WDR59: variants seen among roughly 807,000 people sequenced by gnomAD.
The protein encoded by WDR59 is WD repeat domain 59.
A neutral mutation model predicts 131.2 loss-of-function variants in WDR59; 100 were observed. That is an observed-to-expected ratio of 0.76 (90% confidence interval 0.65 to 0.90). WDR59 has a LOEUF of 0.90. WDR59 is among the 40% of genes least tolerant of loss of function. The probability of loss-of-function intolerance (pLI) is 0.00; values close to 1 mark genes in which losing one functional copy is unlikely to be tolerated. For synonymous variants in WDR59, 601 were observed against 466.2 expected (o/e 1.29, Z -3.72); for missense variants, 1,203 against 1,262.2 (o/e 0.95, Z 0.71).
intron 25 of WDR59, among the ~76,000 whole-genome samples, chr16:74,883,847 C>G (rs1461019301): frequency 6.6e-6 from 1 of 152,212 alleles, no homozygotes; most frequent in Non-Finnish European, 1.5e-5. Context: ...TGGGGATCCC[C>G]AAATTCCCAG....
Position 74,904,002 on chromosome 16 carries a change from G to A in WDR59, c.1811C>T (p.Pro604Leu). Residue 604 changes from proline (P) to leucine (L), a missense_variant, in exon 18 of 26, where the codon CCC becomes CTC. Physicochemically the swap from Pro to Leu is moderately conservative, Grantham distance 98. Transcript: ENST00000262144. ...GACCTGCTCTTTCTCGCTGCGAGTG[G>A]GGCTCCCACTGTATAAACGAAGGTT... Reference protein sequence around the residue: ...PGNLRLYSGSPTRSEKEQVSI... With the variant: ...PGNLRLYSGSLTRSEKEQVSI... 1 of 1,611,666 alleles carries A rather than the reference G, an allele frequency of 6.2e-7. No homozygotes were observed. The highest frequency in any genetic ancestry group is 1.8e-4 in the Middle Eastern group (1 of 5,440).
At chr16:74,979,213 G>GCTCATGCCTGTTAATAT (rs76969367) in intron 1 of WDR59, 1 of 151,824 alleles carries the variant, frequency 6.6e-6, no homozygotes, top group Non-Finnish European at 1.5e-5. Flanking sequence ...AGGCGCGGTG[G>GCTCATGCCTGTTAATAT]CAGCATTTTG....
chr16:74,873,840 C>A lies in WDR59; in HGVS notation c.*369G>T. The A allele has an allele frequency of 4.9e-6, 1 of 204,888 alleles. No individual in the cohort carries two copies. The highest frequency in any genetic ancestry group is 5.4e-5 in the Admixed American group (1 of 18,656). 12.7% of individuals were successfully genotyped at this position (204,888 alleles called of 1,614,324 possible). A position where few individuals can be genotyped will look rare whatever the true frequency, so the allele number is the denominator to read the frequency against. On this transcript the variant is annotated 3_prime_UTR_variant, in exon 26 of 26. Transcript: ENST00000262144. ...CATCTGACTCTGGTCTCTGCACTGG[C>A]ATCAAGAGAACGCTGCTCGGTGGTT... is the stretch of plus-strand genomic sequence containing the variant.
Position 74,890,837 on chromosome 16 carries a change from C to T in WDR59, c.2083-1022G>A, listed in dbSNP as rs141350048. Among the ~76,000 whole-genome samples the T allele has an allele frequency of 5.9e-4, 90 of 152,186 alleles. 1 individual carries two copies. In the East Asian group the frequency reaches 0.015, roughly 25 times the overall value. On this transcript the variant is annotated intron_variant, in intron 20 of 25. Coordinates refer to ENST00000262144, the MANE Select transcript of WDR59 (RefSeq NM_030581.4). Reference sequence around the variant, plus strand: ...CAATACCTTTAAAAATCAAATACGGCGGGCCCTGTGGCTCACGCCTGTAAT... The same window carrying T: ...CAATACCTTTAAAAATCAAATACGGTGGGCCCTGTGGCTCACGCCTGTAAT...
At chr16:74,962,213 C>T (rs531198185) in intron 2 of WDR59, among the ~76,000 whole-genome samples, 26 of 152,204 alleles carry the variant, frequency 1.7e-4, no homozygotes, top group African/African-American at 6.0e-4. Context: ...AGTTTGAAGT[C>T]GGGTAGCGTA....
intron 8 of WDR59, among the ~76,000 whole-genome samples, chr16:74,932,871 C>T (rs953874440): frequency 5.3e-5 from 8 of 152,166 alleles, no homozygotes; most frequent in African/African-American, 1.7e-4. Context: ...ATGCTTACTT[C>T]TGCTGCCTTA....
intron 8 of WDR59, among the ~76,000 whole-genome samples, chr16:74,930,979 A>C (rs1455471085): frequency 6.6e-6 from 1 of 151,898 alleles, no homozygotes; most frequent in Non-Finnish European, 1.5e-5. Flanking sequence ...TCTCCAAAAA[A>C]AAAGGAAAAA....
intron 14 of WDR59, among the ~76,000 whole-genome samples, chr16:74,911,249 C>T (rs565857517): frequency 6.6e-6 from 1 of 152,078 alleles, no homozygotes; most frequent in South Asian, 2.1e-4. Context: ...TTTTGTATGT[C>T]CAAACTAGGC....
chr16:74,877,112 A>C (rs1964251350), intron 25 of WDR59, among the ~76,000 whole-genome samples: 1 of 152,082 alleles, frequency 6.6e-6, no homozygotes, highest in Non-Finnish European at 1.5e-5. Flanking sequence ...CATCAAGGGA[A>C]ATGTTCCAGT....
chr16:74,981,641 T>TATATATATATAC (rs2034421358), intron 1 of WDR59, among the ~76,000 whole-genome samples: 1 of 50,214 alleles, frequency 2.0e-5, no homozygotes, highest in African/African-American at 1.4e-4. Context: ...TATATATATA[T>TATATATATATAC]ATATATATAT....
At chr16:74,967,585 G>A (rs74250261) in intron 1 of WDR59, among the ~76,000 whole-genome samples, 4,198 of 152,240 alleles carry the variant, frequency 0.028, 245 homozygotes, top group East Asian at 0.25. Context: ...TCGGCTGGGC[G>A]CGGCGGCTCA....
chr16:74,948,480 C>T (rs2032787228), intron 6 of WDR59, 39 bp downstream of exon 6: 1 of 1,599,866 alleles, frequency 6.3e-7, no homozygotes, highest in Non-Finnish European at 8.6e-7. Flanking sequence ...TGAAGACAAA[C>T]CAAGGCGCCA....
At position 74,949,732 on chromosome 16, in the gene WDR59, G is replaced by A. The variant is rs140204698; in HGVS notation, c.393C>T (p.Tyr131=). 9.5e-5 allele frequency: 154 copies of A among 1,613,806 alleles called. No individual in the cohort carries two copies. In the African/African-American group the frequency reaches 1.6e-3, roughly 16 times the overall value. The change falls in exon 5 of 26, where the codon TAC becomes TAT. Residue 131 remains tyrosine (Y), a synonymous_variant. Transcript: ENST00000262144. The part of the protein sequence containing the change: ...LVTSSVDTYI[Y]IWDIKDTRKP... The stretch of plus-strand genomic sequence containing the variant: ...ATTGTTCTTACTTGATATCCCAAAT[G>A]TAGATGTAGGTGTCCACAGAGCTGG...
At chr16:74,890,065 T>G (rs972378825) in intron 20 of WDR59, among the ~76,000 whole-genome samples, 1 of 152,202 alleles carries the variant, frequency 6.6e-6, no homozygotes, top group African/African-American at 2.4e-5. Flanking sequence ...GCTTAAAAAT[T>G]TTTCATTAAG....
intron 18 of WDR59, among the ~76,000 whole-genome samples, chr16:74,899,211 CA>C (rs750428504): frequency 3.3e-5 from 5 of 152,034 alleles, no homozygotes; most frequent in African/African-American, 7.2e-5. Context: ...AGAAACTTCC[CA>C]AAGGATAAAA....
intron 25 of WDR59, among the ~76,000 whole-genome samples, chr16:74,876,237 A>C (rs2144746618): frequency 6.6e-6 from 1 of 152,328 alleles, no homozygotes; most frequent in East Asian, 1.9e-4. Flanking sequence ...AAATCTTGAG[A>C]CAAATCAGAC....
At chr16:74,917,858 C>T (rs1021303822) in intron 11 of WDR59, 71 bp downstream of exon 11, 3 of 1,331,228 alleles carry the variant, frequency 2.3e-6, no homozygotes, top group African/African-American at 1.5e-5. Context: ...CCTCTAATTT[C>T]CGCAAATCCT....
At chr16:74,981,884 G>C (rs2034444524) in intron 1 of WDR59, among the ~76,000 whole-genome samples, 1 of 137,640 alleles carries the variant, frequency 7.3e-6, no homozygotes, top group Non-Finnish European at 1.6e-5. Flanking sequence ...TCAAACTCCT[G>C]ACCTCAGGTG....
chr16:74,896,152 G>C (rs954520038), intron 18 of WDR59, among the ~76,000 whole-genome samples: 5 of 152,036 alleles, frequency 3.3e-5, no homozygotes, highest in African/African-American at 7.2e-5. Flanking sequence ...ATCTAATTTG[G>C]TCTTCTGGAT....
Sources: allele counts gnomAD v4.1 joint callset (sites outside exome capture counted in the v4.1 genomes callset), GRCh38; gene constraint gnomAD v4.1.1; transcripts MANE v1.5; gene names NCBI Gene and HGNC (gene_info 2026-07-23, HGNC 2026-07-21).